The following CD22 variants were observed in gnomAD, a reference collection of about 807,000 sequenced individuals.
The protein encoded by CD22 is B-cell receptor CD22.
In CD22, 51 loss-of-function variants were observed where a neutral mutation model predicts 94.7. The ratio of observed to expected loss-of-function variants is 0.54; its 90% CI spans 0.43 to 0.68. The LOEUF (loss-of-function observed/expected upper bound fraction) is 0.68. Among genes scored for constraint, CD22 ranks in the 30% least tolerant of loss-of-function variants. The pLI is 0.00. For missense variants in CD22, 931 were observed against 1,060.4 expected (o/e 0.88, Z 1.69); for synonymous variants, 424 against 422.5 (o/e 1.00, Z -0.04).
intron 3 of CD22, 81 bp from the exon 4 acceptor site, chr19:35,335,955 T>C: frequency 8.3e-7 from 1 of 1,207,726 alleles, no homozygotes; most frequent in Non-Finnish European, 1.2e-6. Flanking sequence ...GAGGGGTGAT[T>C]TGGGACAGGA....
intron 5 of CD22, 55 bp downstream of exon 5, chr19:35,338,076 C>G (rs1005102808): frequency 6.3e-7 from 1 of 1,576,424 alleles, no homozygotes; most frequent in African/African-American, 1.3e-5. Flanking sequence ...GGGGTGGACC[C>G]GGAGAGGGGA....
At position 35,344,911 on chromosome 19, in the gene CD22, C is replaced by T. The variant is rs1190904628; in HGVS notation, c.2118C>T (p.Leu706=). The T allele has an allele frequency of 6.2e-7, 1 of 1,613,870 alleles. No individual in the cohort carries two copies. Among genetic ancestry groups the T allele is most frequent in the Admixed American group, 1.7e-5 (1 of 60,024 alleles). ...LAILILAICG[L]KLQRRWKRTQ... is the part of the protein sequence containing the mutation. ...TCCTCATCCTGGCAATCTGTGGGCT[C>T]AAGCTCCAGCGACGGTGAGCTCCTG... Residue 706 remains leucine, a synonymous_variant, in exon 10 of 14, where the codon CTC becomes CTT. Coordinates refer to ENST00000085219, the MANE Select transcript of CD22 (RefSeq NM_001771.4).
chr19:35,340,046 CA>C (rs1410767823), intron 6 of CD22, among the ~76,000 whole-genome samples: 18 of 152,070 alleles, frequency 1.2e-4, no homozygotes, highest in Admixed American at 1.2e-3. Flanking sequence ...GAGCACAGGA[CA>C]AAAAGAACAC....
chr19:35,338,590 C>A (rs2066759758), intron 6 of CD22, among the ~76,000 whole-genome samples, 159 bp downstream of exon 6: 1 of 151,998 alleles, frequency 6.6e-6, no homozygotes. Context: ...TAGCATAGGG[C>A]CTGGCTCATG....
At chr19:35,343,156 G>C (rs2066844729) in intron 9 of CD22, among the ~76,000 whole-genome samples, 1 of 150,884 alleles carries the variant, frequency 6.6e-6, no homozygotes, top group African/African-American at 2.4e-5. Context: ...TTGGAGTGCA[G>C]TGGCACAATC....
intron 6 of CD22, among the ~76,000 whole-genome samples, chr19:35,338,962 C>A (rs1052721604): frequency 6.1e-5 from 9 of 148,694 alleles, no homozygotes; most frequent in Non-Finnish European, 1.3e-4. Flanking sequence ...AGGCCAGGTG[C>A]GGTGGCTCCC....
chr19:35,336,447 C>A, intron 4 of CD22, 106 bp downstream of exon 4: 2 of 1,068,646 alleles, frequency 1.9e-6, no homozygotes, highest in Admixed American at 2.5e-5. Context: ...GCACAGACGG[C>A]GGCATCCTCC....
At position 35,346,768 on chromosome 19, in the gene CD22, C is replaced by A; in HGVS notation, c.*71C>A. ...GGAAGTCCCCGAGTTTCCCCAGACACCGCCACATGGCTTCCTCCTGCGCGC... is the reference window on the plus strand; with the variant it reads ...GGAAGTCCCCGAGTTTCCCCAGACAACGCCACATGGCTTCCTCCTGCGCGC... On this transcript the variant is annotated 3_prime_UTR_variant, in exon 14 of 14. Transcript: ENST00000085219. The A allele has an allele frequency of 2.1e-6, 3 of 1,445,488 alleles. No individual in the cohort carries two copies. Among genetic ancestry groups the A allele is most frequent in the Non-Finnish European group, 2.8e-6 (3 of 1,068,638 alleles). 89.5% of individuals were successfully genotyped at this position (1,445,488 alleles called of 1,614,324 possible).
chr19:35,344,070 C>T (rs1014476591), intron 9 of CD22, among the ~76,000 whole-genome samples: 1 of 152,206 alleles, frequency 6.6e-6, no homozygotes, highest in Admixed American at 6.5e-5. Context: ...GTGGCGCGCA[C>T]CTGTAGTCCC....
chr19:35,345,970 C>T (rs190643354), intron 12 of CD22, among the ~76,000 whole-genome samples, 181 bp from the exon 13 acceptor site: 47 of 152,368 alleles, frequency 3.1e-4, no homozygotes, highest in African/African-American at 8.2e-4. Flanking sequence ...TACACACCCA[C>T]GCCTACTCCC....
At chr19:35,345,279 G>A (rs2066886338) in intron 11 of CD22, 153 bp downstream of exon 11, 2 of 662,726 alleles carry the variant, frequency 3.0e-6, no homozygotes, top group African/African-American at 3.6e-5. Flanking sequence ...AAATTAGCCG[G>A]GCGTGATGGT....
At chr19:35,344,637 A>G (rs2066872526) in intron 9 of CD22, 192 bp from the exon 10 acceptor site, 1 of 590,404 alleles carries the variant, frequency 1.7e-6, no homozygotes, top group African/African-American at 1.9e-5. Flanking sequence ...CAGGAGAATT[A>G]GTGCCTTATT....
intron 9 of CD22, 22 bp from the exon 10 acceptor site, chr19:35,344,807 G>A (rs1262731382): frequency 3.8e-6 from 6 of 1,569,162 alleles, no homozygotes; most frequent in Non-Finnish European, 5.2e-6. Context: ...AGTTGATTAA[G>A]GTCTCTCCTT....
Position 35,332,087 on chromosome 19 carries a change from G to A in CD22, c.34+13G>A, listed in dbSNP as rs1160255352. 6.8e-6 allele frequency: 11 copies of A among 1,613,852 alleles called. No homozygotes were observed. Among genetic ancestry groups the A allele is most frequent in the Non-Finnish European group, 7.6e-6 (9 of 1,179,934 alleles). The stretch of plus-strand genomic sequence containing the variant: ...CTCCTGCTCCTGGGTAAGGACTGTG[G>A]CCTGGGCTAGTACTGGGGTTCTGGG... On this transcript the variant is annotated intron_variant, in intron 2 of 13. Transcript: ENST00000085219.
At chr19:35,343,796 C>T (rs1321401446) in intron 9 of CD22, among the ~76,000 whole-genome samples, 1 of 152,178 alleles carries the variant, frequency 6.6e-6, no homozygotes, top group African/African-American at 2.4e-5. Context: ...AAAAAAGAGT[C>T]TGAAAGCATA....
chr19:35,344,432 G>T (rs1467942753), intron 9 of CD22, among the ~76,000 whole-genome samples: 1 of 152,226 alleles, frequency 6.6e-6, no homozygotes, highest in African/African-American at 2.4e-5. Context: ...CAGGGCCTAG[G>T]TCTGCAGCCT....
Position 35,336,052 on chromosome 19 carries a change from T to A in CD22, c.429T>A (p.Pro143=). The A allele has an allele frequency of 6.2e-7, 1 of 1,613,670 alleles. No homozygotes were observed. The highest frequency in any genetic ancestry group is 8.5e-7 in the Non-Finnish European group (1 of 1,179,718). ...CTTTTGCAGAAAGGCCTTTTCCACC[T>A]CATATCCAGCTCCCTCCAGAAATTC... ...HLNVSERPFP[P]HIQLPPEIQE... Residue 143 remains proline (P), a synonymous_variant, in exon 4 of 14, where the codon CCT becomes CCA. Transcript: ENST00000085219.
intron 11 of CD22, 151 bp downstream of exon 11, chr19:35,345,277 C>T (rs377293541): frequency 4.2e-5 from 28 of 668,168 alleles, no homozygotes; most frequent in Admixed American, 1.7e-4. Context: ...AAAAATTAGC[C>T]GGGCGTGATG....
At chr19:35,329,353 C>T (rs1370736337) in intron 1 of CD22, 123 bp downstream of exon 1, 36 of 542,264 alleles carry the variant, frequency 6.6e-5, no homozygotes, top group Admixed American at 3.6e-4. Flanking sequence ...TCTCTCTTAC[C>T]GGTGTTACAA....
Sources: allele counts gnomAD v4.1 joint callset (sites outside exome capture counted in the v4.1 genomes callset), GRCh38; gene constraint gnomAD v4.1.1; transcripts MANE v1.5; gene names NCBI Gene and HGNC (gene_info 2026-07-23, HGNC 2026-07-21).